Variants in SLC16A7 observed in about 807,000 individuals in gnomAD.
The protein encoded by SLC16A7 is solute carrier family 16 member 7.
SLC16A7 carries 33 observed loss-of-function variants against 34.9 expected under a neutral mutation model. The observed-to-expected ratio is 0.94, with a 90% confidence interval of 0.72 to 1.26. The LOEUF (loss-of-function observed/expected upper bound fraction) is 1.26. Ranked by LOEUF, SLC16A7 falls within the 50% of genes most tolerant of loss-of-function variation. SLC16A7 has a pLI of 0.00. For missense variants in SLC16A7, 573 were observed against 578.1 expected, an observed-to-expected ratio of 0.99 and a Z score of 0.09; for synonymous variants, 201 against 206.6, an observed-to-expected ratio of 0.97 and a Z score of 0.23.
At chr12:59,618,819 G>T (rs1879572185) in intron 1 of SLC16A7, among the ~76,000 whole-genome samples, 1 of 151,890 alleles carries the variant, frequency 6.6e-6, no homozygotes, top group South Asian at 2.1e-4. Flanking sequence ...TCTGAATTTT[G>T]TGGAAATCAC....
At chr12:59,768,154 A>T (rs1443845197) in intron 3 of SLC16A7, 2 of 443,814 alleles carry the variant, frequency 4.5e-6, no homozygotes, top group Admixed American at 4.8e-5. Flanking sequence ...CCTCTGATGA[A>T]TCTGGGAAAA....
chr12:59,609,219 C>T (rs1879081399), intron 1 of SLC16A7, among the ~76,000 whole-genome samples: 2 of 152,166 alleles, frequency 1.3e-5, no homozygotes, highest in South Asian at 2.1e-4. Context: ...TAGGGAGATA[C>T]TAAATGATTT....
Position 59,782,310 on chromosome 12 carries a change from C to T in SLC16A7, c.*2631C>T, listed in dbSNP as rs1424640570. 2.0e-5 allele frequency: 3 copies of T among 152,160 alleles called. No homozygotes were observed. The highest frequency in any genetic ancestry group is 7.2e-5 in the African/African-American group (3 of 41,446). The allele number at this position is 152,160 out of a possible 1,614,324, so 9.4% of individuals were successfully genotyped here. ...TTATTCTACTTGTTCACTCTCCCCA[C>T]CCTCTTGAACTTGTTAGAAGATTTG... On this transcript the variant is annotated 3_prime_UTR_variant, in exon 6 of 6. Coordinates refer to ENST00000547379, the MANE Select transcript of SLC16A7 (RefSeq NM_001270623.2).
At chr12:59,680,279 G>T (rs999703910) in intron 2 of SLC16A7, among the ~76,000 whole-genome samples, 4 of 152,140 alleles carry the variant, frequency 2.6e-5, no homozygotes, top group Admixed American at 1.3e-4. Context: ...AGAGTCCTGG[G>T]GCCGAACATC....
chr12:59,710,847 A>G (rs1874145053), intron 3 of SLC16A7, among the ~76,000 whole-genome samples: 1 of 152,208 alleles, frequency 6.6e-6, no homozygotes, highest in Non-Finnish European at 1.5e-5. Flanking sequence ...TATACAAATC[A>G]GAGGAGAAGC....
chr12:59,720,951 T>C (rs530346562), intron 3 of SLC16A7, among the ~76,000 whole-genome samples: 90 of 152,164 alleles, frequency 5.9e-4, no homozygotes, highest in Admixed American at 1.6e-3. Context: ...TACCATTAAT[T>C]TTTTTGTATC....
At position 59,786,598 on chromosome 12, in the gene SLC16A7, ATTTGT is replaced by A. The variant is rs1326390061; in HGVS notation, c.*6924_*6928del. 3 of 152,094 alleles carry A rather than the reference ATTTGT, an allele frequency of 2.0e-5. No homozygotes were observed. The highest frequency in any genetic ancestry group is 2.9e-5 in the Non-Finnish European group (2 of 67,988). The allele number at this position is 152,094 out of a possible 1,614,324, so 9.4% of individuals were successfully genotyped here. A position where few individuals can be genotyped will look rare whatever the true frequency, so the allele number is the denominator to read the frequency against. On this transcript the variant is annotated 3_prime_UTR_variant, in exon 6 of 6. Transcript: ENST00000547379. ...AAACATTAGATCTAATTGTATTTTGATTTGTTTTGATATATTTATGTCTCAGAAGA... is the reference window on the plus strand; with the variant it reads ...AAACATTAGATCTAATTGTATTTTGATTTGATATATTTATGTCTCAGAAGA...
At chr12:59,712,455 C>T (rs1327575173) in intron 3 of SLC16A7, among the ~76,000 whole-genome samples, 1 of 152,138 alleles carries the variant, frequency 6.6e-6, no homozygotes, top group East Asian at 1.9e-4. Flanking sequence ...AAAAATCCTT[C>T]TATGTTTAGG....
Position 59,704,852 on chromosome 12 carries a change from A to G in SLC16A7, c.51A>G (p.Gly17=). 1 of 1,613,800 alleles carries G rather than the reference A, an allele frequency of 6.2e-7. No homozygotes were observed. Among genetic ancestry groups the G allele is most frequent in the South Asian group, 1.1e-5 (1 of 91,070 alleles). ...APPVHPPPDG[G]WGWIVVGAAF... ...CTGTGCATCCACCTCCAGATGGAGG[A>G]TGGGGTTGGATTGTGGTTGGAGCAG... Residue 17 remains glycine, a synonymous_variant, in exon 3 of 6, where the codon GGA becomes GGG. Transcript: ENST00000547379.
In SLC16A7 at chr12:59,620,844, A is replaced by G. The variant is rs150326319; in HGVS notation, c.-130+24608A>G. ...TCACCCACTCCAAACTGGGAGAAAT[A>G]TTTATAGTTTTTATTAATCACAGTA... is the stretch of plus-strand genomic sequence containing the variant. On this transcript the variant is annotated intron_variant, in intron 1 of 5. Coordinates refer to ENST00000547379, the MANE Select transcript of SLC16A7 (RefSeq NM_001270623.2). Among the ~76,000 whole-genome samples, 732 of 152,022 alleles carry G rather than the reference A, an allele frequency of 4.8e-3. 4 individuals carry two copies. The highest frequency in any genetic ancestry group is 0.017 in the African/African-American group (690 of 41,502).
At chr12:59,664,907 G>A (rs985322704) in intron 2 of SLC16A7, 5 of 152,120 alleles carry the variant, frequency 3.3e-5, no homozygotes, top group Non-Finnish European at 7.4e-5. Flanking sequence ...CCTGAGCCTG[G>A]AGAAAAGTGT....
At chr12:59,758,615 GA>G (rs1334272601) in intron 3 of SLC16A7, among the ~76,000 whole-genome samples, 1 of 152,036 alleles carries the variant, frequency 6.6e-6, no homozygotes, top group Admixed American at 6.6e-5. Flanking sequence ...AATGTGAATG[GA>G]ATCATAATGA....
chr12:59,622,278 T>G (rs1879727689), intron 1 of SLC16A7, among the ~76,000 whole-genome samples: 1 of 151,818 alleles, frequency 6.6e-6, no homozygotes, highest in South Asian at 2.1e-4. Context: ...AAACGTAGGT[T>G]GTTGTTCCCC....
chr12:59,670,414 A>AC lies in SLC16A7; in HGVS notation c.-31+15172dup, dbSNP rs539873573. The stretch of plus-strand genomic sequence containing the variant: ...GTAATCACAGCCTGCCTTCCAATCC[A>AC]CCCCCCCCACCAAATTTAAGTCCTT... On this transcript the variant is annotated intron_variant, in intron 2 of 5. Coordinates refer to ENST00000547379, the MANE Select transcript of SLC16A7 (RefSeq NM_001270623.2). 4.9e-3 allele frequency among the ~76,000 whole-genome samples: 743 copies of AC among 150,640 alleles called. 13 individuals carry two copies. The highest frequency in any genetic ancestry group is 0.015 in the South Asian group (70 of 4,714).
chr12:59,751,724 T>A (rs1279380088), intron 3 of SLC16A7, among the ~76,000 whole-genome samples: 1 of 152,148 alleles, frequency 6.6e-6, no homozygotes. Context: ...GACTTAAATG[T>A]CCCTGTCTGA....
At chr12:59,616,945 T>G (rs1329153612) in intron 1 of SLC16A7, among the ~76,000 whole-genome samples, 1 of 152,160 alleles carries the variant, frequency 6.6e-6, no homozygotes. Context: ...AGTGAGGTTT[T>G]ATAGGTTTTG....
At chr12:59,759,107 T>C (rs964335843) in intron 3 of SLC16A7, among the ~76,000 whole-genome samples, 15 of 152,030 alleles carry the variant, frequency 9.9e-5, no homozygotes, top group Non-Finnish European at 1.5e-5. Context: ...TGATGACTAC[T>C]GAGTATTTTA....
intron 3 of SLC16A7, among the ~76,000 whole-genome samples, chr12:59,748,251 G>GC (rs781581243): frequency 2.6e-5 from 4 of 152,102 alleles, no homozygotes; most frequent in Non-Finnish European, 5.9e-5. Context: ...TTATGCACAG[G>GC]AACCCTTACA....
intron 3 of SLC16A7, among the ~76,000 whole-genome samples, chr12:59,730,369 A>G (rs1876808977): frequency 6.6e-6 from 1 of 151,780 alleles, no homozygotes. Flanking sequence ...AAAACAGACA[A>G]CACACCTCCT....
Sources: allele counts gnomAD v4.1 joint callset (sites outside exome capture counted in the v4.1 genomes callset), GRCh38; gene constraint gnomAD v4.1.1; transcripts MANE v1.5; gene names NCBI Gene and HGNC (gene_info 2026-07-23, HGNC 2026-07-21).